The following KCNB2 variants were observed in gnomAD, a reference collection of about 807,000 sequenced individuals.
KCNB2 encodes delayed rectifier potassium channel protein.
Under a neutral mutation model 61.5 loss-of-function variants are expected in KCNB2, and 15 were observed. The observed-to-expected ratio is 0.24, with a 90% CI of 0.16 to 0.38. The LOEUF is 0.38. Ranked by LOEUF, KCNB2 falls within the 10% of genes least tolerant of loss-of-function variation. KCNB2 has a pLI of 1.00. For missense variants in KCNB2, 828 were observed against 1,125.2 expected (o/e 0.74, Z 3.78); for synonymous variants, 457 against 446.0 (o/e 1.02, Z -0.31).
chr8:72,802,751 C>A (rs939524370), intron 2 of KCNB2, among the ~76,000 whole-genome samples: 3 of 152,058 alleles, frequency 2.0e-5, no homozygotes, highest in Non-Finnish European at 4.4e-5. Flanking sequence ...TATTTGATAC[C>A]CCTAATGGAG....
At chr8:72,869,006 G>A (rs1460071567) in intron 2 of KCNB2, among the ~76,000 whole-genome samples, 1 of 152,172 alleles carries the variant, frequency 6.6e-6, no homozygotes, top group Non-Finnish European at 1.5e-5. Flanking sequence ...TGGGGGCAAG[G>A]TAGGGGATAG....
intron 2 of KCNB2, among the ~76,000 whole-genome samples, chr8:72,653,619 A>C (rs1034244138): frequency 6.6e-6 from 1 of 152,102 alleles, no homozygotes; most frequent in African/African-American, 2.4e-5. Context: ...CACTGGCCAA[A>C]CCTGACCTGC....
intron 2 of KCNB2, among the ~76,000 whole-genome samples, chr8:72,597,600 G>C (rs1455134607): frequency 2.6e-5 from 4 of 152,170 alleles, no homozygotes; most frequent in Middle Eastern, 3.2e-3. Flanking sequence ...CTTCTTGAAA[G>C]TTAAACTTAG....
chr8:72,578,853 C>T (rs1806845140), intron 2 of KCNB2, among the ~76,000 whole-genome samples: 1 of 152,176 alleles, frequency 6.6e-6, no homozygotes, highest in Non-Finnish European at 1.5e-5. Flanking sequence ...GCTTTTCTCC[C>T]CCGTTGCACT....
chr8:72,664,910 G>A (rs1487229138), intron 2 of KCNB2, among the ~76,000 whole-genome samples: 1 of 152,206 alleles, frequency 6.6e-6, no homozygotes, highest in African/African-American at 2.4e-5. Context: ...TAAGGAAACA[G>A]CAAAGACAAA....
intron 2 of KCNB2, among the ~76,000 whole-genome samples, chr8:72,682,007 A>C (rs182598919): frequency 2.6e-5 from 4 of 152,284 alleles, no homozygotes; most frequent in African/African-American, 9.6e-5. Context: ...GACTTTGCTC[A>C]ATTAAACGAC....
intron 2 of KCNB2, among the ~76,000 whole-genome samples, chr8:72,817,161 T>G (rs996643813): frequency 2.6e-5 from 4 of 152,178 alleles, no homozygotes; most frequent in Admixed American, 2.6e-4. Context: ...GGGTTTTGAA[T>G]GAATCAAAGA....
At chr8:72,685,965 G>C (rs1251923393) in intron 2 of KCNB2, among the ~76,000 whole-genome samples, 1 of 152,142 alleles carries the variant, frequency 6.6e-6, no homozygotes, top group African/African-American at 2.4e-5. Flanking sequence ...CTCCAGCCTG[G>C]GCAACAAGAG....
chr8:72,562,103 C>T (rs1374338679), intron 1 of KCNB2, among the ~76,000 whole-genome samples: 4 of 151,848 alleles, frequency 2.6e-5, no homozygotes, highest in Non-Finnish European at 5.9e-5. Flanking sequence ...GTTTGCAGTG[C>T]CTGCTCAGCA....
At chr8:72,807,910 T>G (rs922973916) in intron 2 of KCNB2, among the ~76,000 whole-genome samples, 1 of 152,170 alleles carries the variant, frequency 6.6e-6, no homozygotes, top group African/African-American at 2.4e-5. Context: ...CTCTTATTTC[T>G]TTGGTTTAAA....
intron 2 of KCNB2, among the ~76,000 whole-genome samples, chr8:72,745,857 G>C (rs1023009323): frequency 1.3e-5 from 2 of 152,020 alleles, no homozygotes; most frequent in Admixed American, 6.6e-5. Context: ...CACTTCATTT[G>C]CATAAACTAT....
In KCNB2 at chr8:72,937,189, G is replaced by A. The variant is rs140075333; in HGVS notation, c.1834G>A (p.Asp612Asn). ...SIDSFTSCAT[D>N]FTETERSPLP... is the part of the protein sequence containing the mutation. ...CGACAGCTTCACCAGCTGTGCCACC[G>A]ACTTCACAGAGACAGAGAGATCGCC... is the stretch of plus-strand genomic sequence containing the variant. Residue 612 changes from aspartate (D) to asparagine (N), a missense_variant, in exon 3 of 3, where the codon GAC becomes AAC. Asp to Asn is a conservative substitution (Grantham distance 23). Transcript: ENST00000523207. 40 of 1,613,928 alleles carry A rather than the reference G, an allele frequency of 2.5e-5. No individual in the cohort carries two copies. Among genetic ancestry groups the A allele is most frequent in the Non-Finnish European group, 3.1e-5 (36 of 1,180,014 alleles).
chr8:72,667,085 C>A (rs959342753), intron 2 of KCNB2, among the ~76,000 whole-genome samples: 3 of 151,808 alleles, frequency 2.0e-5, no homozygotes, highest in African/African-American at 7.3e-5. Flanking sequence ...ATACTTCGGG[C>A]AAGTTATGTA....
intron 2 of KCNB2, among the ~76,000 whole-genome samples, chr8:72,913,405 A>G (rs1355337012): frequency 6.6e-6 from 1 of 152,220 alleles, no homozygotes; most frequent in African/African-American, 2.4e-5. Context: ...AAAAGAAAAT[A>G]TCATATGTAT....
chr8:72,664,230 C>T (rs1806429296), intron 2 of KCNB2, among the ~76,000 whole-genome samples: 1 of 152,168 alleles, frequency 6.6e-6, no homozygotes, highest in Non-Finnish European at 1.5e-5. Context: ...CAGCGCCCTC[C>T]CAGGTGAGGT....
chr8:72,685,436 T>C (rs16938314), intron 2 of KCNB2, among the ~76,000 whole-genome samples: 1,778 of 152,246 alleles, frequency 0.012, 35 homozygotes, highest in African/African-American at 0.039. Flanking sequence ...AGATGTACCA[T>C]GTTGAATCGT....
chr8:72,829,524 T>C (rs1319737901), intron 2 of KCNB2, among the ~76,000 whole-genome samples: 1 of 152,214 alleles, frequency 6.6e-6, no homozygotes, highest in African/African-American at 2.4e-5. Flanking sequence ...AAGAATTTTT[T>C]AGAAATATTT....
chr8:72,623,637 C>T (rs1337362460), intron 2 of KCNB2, among the ~76,000 whole-genome samples: 1 of 152,174 alleles, frequency 6.6e-6, no homozygotes. Context: ...AGGAACCAGG[C>T]TCCCAGCACA....
At chr8:72,553,979 G>A (rs1806383107) in intron 1 of KCNB2, among the ~76,000 whole-genome samples, 1 of 151,998 alleles carries the variant, frequency 6.6e-6, no homozygotes. Context: ...GTCCATAAAT[G>A]CATACTATAT....
Sources: allele counts gnomAD v4.1 joint callset (sites outside exome capture counted in the v4.1 genomes callset), GRCh38; gene constraint gnomAD v4.1.1; transcripts MANE v1.5; gene names NCBI Gene and HGNC (gene_info 2026-07-23, HGNC 2026-07-21).